Variants in NLRP5 observed in about 807,000 individuals in gnomAD.
NLRP5 encodes NACHT, LRR and PYD domains-containing protein 5.
NLRP5 carries 93 observed loss-of-function variants against 113.1 expected under a neutral mutation model. The ratio of observed to expected loss-of-function variants is 0.82; its 90% confidence interval spans 0.70 to 0.98. The LOEUF is 0.98. Among genes scored for constraint, NLRP5 ranks in the 50% least tolerant of loss-of-function variants. The pLI is 0.00. For synonymous variants in NLRP5, 751 were observed against 600.7 expected (o/e 1.25, Z -3.66); for missense variants, 1,808 against 1,514.3 (o/e 1.19, Z -3.22).
intron 11 of NLRP5, among the ~76,000 whole-genome samples, chr19:56,047,834 A>G (rs564973595): frequency 1.3e-5 from 2 of 152,274 alleles, no homozygotes; most frequent in South Asian, 4.1e-4. Context: ...GAAGTCCCCC[A>G]GTATTACTGT....
chr19:56,027,631 C>A lies in NLRP5; in HGVS notation c.1398C>A (p.Asp466Glu). The change falls in exon 7 of 15, where the codon GAC becomes GAA. Residue 466 changes from aspartate to glutamate, a missense_variant. Transcript: ENST00000390649. ...TCATGAACAACCGTGAGCTGCTCGA[C>A]CAGTGCCAGGTGCCCGCCGTGGGCT... 6.2e-7 allele frequency: 1 copy of A among 1,613,594 alleles called. No individual in the cohort carries two copies. Among genetic ancestry groups the A allele is most frequent in the Non-Finnish European group, 8.5e-7 (1 of 1,179,896 alleles).
intron 9 of NLRP5, among the ~76,000 whole-genome samples, chr19:56,036,721 C>A (rs977896832): frequency 2.6e-5 from 4 of 152,156 alleles, no homozygotes; most frequent in African/African-American, 4.8e-5. Context: ...CTCTGGGAGG[C>A]TGAGGCAGGT....
At chr19:56,025,864 A>G (rs1982823910) in intron 6 of NLRP5, among the ~76,000 whole-genome samples, 2 of 151,840 alleles carry the variant, frequency 1.3e-5, no homozygotes, top group Non-Finnish European at 2.9e-5. Flanking sequence ...CCCCAAGGCC[A>G]CTTATGTTGG....
intron 1 of NLRP5, among the ~76,000 whole-genome samples, chr19:56,000,184 G>C (rs60232463): frequency 2.8e-5 from 4 of 144,754 alleles, no homozygotes; most frequent in Admixed American, 2.1e-4. Flanking sequence ...CCACCTCTCC[G>C]CTCTTCTCAA....
Position 56,053,618 on chromosome 19 carries a change from C to G in NLRP5, c.3129-20C>G, listed in dbSNP as rs1984014132. On this transcript the variant is annotated intron_variant, in intron 12 of 14. Coordinates refer to ENST00000390649, the MANE Select transcript of NLRP5 (RefSeq NM_153447.4). ...TTTCCTCGAGAGAGGCAGACTCTCT[C>G]TATTCCCCGCCTCTTGCAGGTTGGT... The G allele has an allele frequency of 2.5e-6, 4 of 1,605,908 alleles. No individual in the cohort carries two copies. The highest frequency in any genetic ancestry group is 1.3e-5 in the African/African-American group (1 of 74,926).
chr19:55,995,477 A>G (rs760555613), upstream of NLRP5, among the ~76,000 whole-genome samples: 1 of 152,206 alleles, frequency 6.6e-6, no homozygotes, highest in Non-Finnish European at 1.5e-5. Flanking sequence ...GTCTGTTTTC[A>G]TGACAGTGCC....
chr19:56,051,278 C>T (rs1363247235), intron 12 of NLRP5, among the ~76,000 whole-genome samples: 6 of 152,162 alleles, frequency 3.9e-5, no homozygotes, highest in Non-Finnish European at 8.8e-5. Context: ...CTGCAACCTC[C>T]GCGTTCCAGG....
intron 13 of NLRP5, among the ~76,000 whole-genome samples, chr19:56,055,986 G>C (rs1364437783): frequency 6.6e-6 from 1 of 152,118 alleles, no homozygotes; most frequent in Non-Finnish European, 1.5e-5. Flanking sequence ...GATCAAAACA[G>C]GCAATGGCGA....
At chr19:56,007,401 T>G (rs1044927816) in intron 2 of NLRP5, among the ~76,000 whole-genome samples, 1 of 149,132 alleles carries the variant, frequency 6.7e-6, no homozygotes. Flanking sequence ...CTATTCCAGA[T>G]GAGAGGGAAG....
At chr19:56,050,194 C>A (rs925069204) in intron 11 of NLRP5, among the ~76,000 whole-genome samples, 4 of 151,516 alleles carry the variant, frequency 2.6e-5, no homozygotes, top group Admixed American at 1.3e-4. Context: ...GCAGCAGAAT[C>A]TCTTGTGTCC....
intron 9 of NLRP5, among the ~76,000 whole-genome samples, chr19:56,037,240 T>C (rs77542863): frequency 2.6e-4 from 39 of 152,274 alleles, no homozygotes; most frequent in African/African-American, 9.4e-4. Context: ...TCCCGGAAGC[T>C]CGTGCCCTTC....
At chr19:56,053,068 G>C (rs1354866724) in intron 12 of NLRP5, among the ~76,000 whole-genome samples, 1 of 152,056 alleles carries the variant, frequency 6.6e-6, no homozygotes, top group Non-Finnish European at 1.5e-5. Flanking sequence ...TTGCACTCCA[G>C]CCTGGGCAAC....
chr19:56,057,202 C>T (rs941265928), intron 13 of NLRP5, among the ~76,000 whole-genome samples: 8 of 152,174 alleles, frequency 5.3e-5, no homozygotes, highest in Admixed American at 2.0e-4. Context: ...ATACCCACCA[C>T]CTAATTTAAA....
Position 56,053,574 on chromosome 19 carries a change from C to G in NLRP5, c.3129-64C>G, listed in dbSNP as rs182127151. On this transcript the variant is annotated intron_variant, in intron 12 of 14. Transcript: ENST00000390649. ...GGAAACTCCAGTTAATGCTGCTGAA[C>G]CTTCTCCCGCTGTTCCACTTTCCTC... 1,021 of 1,447,364 alleles carry G rather than the reference C, an allele frequency of 7.1e-4. 8 individuals carry two copies. The highest frequency in any genetic ancestry group is 5.4e-3 in the South Asian group (427 of 79,244). The allele number at this position is 1,447,364 out of a possible 1,614,324, so 89.7% of individuals were successfully genotyped here.
the NLRP5 span, among the ~76,000 whole-genome samples, chr19:55,993,178 G>A: frequency 6.6e-6 from 1 of 151,702 alleles, no homozygotes; most frequent in Non-Finnish European, 1.5e-5. Flanking sequence ...TGTATACAAT[G>A]TATCATGATC....
chr19:56,048,626 C>T (rs909748115), intron 11 of NLRP5, among the ~76,000 whole-genome samples: 1 of 152,130 alleles, frequency 6.6e-6, no homozygotes, highest in African/African-American at 2.4e-5. Context: ...TTACCTGGTG[C>T]TTCTGTCTCA....
chr19:56,026,882 C>G, intron 6 of NLRP5, 31 bp from the exon 7 acceptor site: 1 of 1,536,418 alleles, frequency 6.5e-7, no homozygotes, highest in Non-Finnish European at 8.8e-7. Context: ...GGTCTGTTTC[C>G]TGATTTTCAT....
At chr19:56,047,235 C>T (rs1467470843) in intron 11 of NLRP5, among the ~76,000 whole-genome samples, 3 of 152,098 alleles carry the variant, frequency 2.0e-5, no homozygotes. Context: ...TTCAGTTTCA[C>T]TTAATTCTGC....
Position 56,040,954 on chromosome 19 carries a change from G to T in NLRP5, c.2819G>T (p.Cys940Phe), listed in dbSNP as rs756894866. ...GACTGTGGCATCACAGCCACGGGTT[G>T]CCAGAGTCTGGCCTCAGCCCTCGTC... is the stretch of plus-strand genomic sequence containing the variant. The change falls in exon 11 of 15, where the codon TGC (cysteine) becomes TTC (phenylalanine). Residue 940 changes from cysteine (C) to phenylalanine (F), a missense_variant. Transcript: ENST00000390649. 6.2e-7 allele frequency: 1 copy of T among 1,613,964 alleles called. No homozygotes were observed. Among genetic ancestry groups the T allele is most frequent in the Non-Finnish European group, 8.5e-7 (1 of 1,179,862 alleles).
Sources: gnomAD v4.1 joint callset for allele counts (sites outside exome capture counted in the v4.1 genomes callset) on GRCh38, gnomAD v4.1.1 for gene constraint, MANE v1.5 for transcripts, NCBI Gene and HGNC (gene_info 2026-07-23, HGNC 2026-07-21) for gene names.